The following PCDH15 variants were observed in gnomAD, a reference collection of about 807,000 sequenced individuals.
The protein encoded by PCDH15 is protocadherin related 15, also known as protocadherin-15.
PCDH15 carries 129 observed loss-of-function variants against 178.5 expected under a neutral mutation model. The ratio of observed to expected loss-of-function variants is 0.72; its 90% CI spans 0.63 to 0.84. The LOEUF (loss-of-function observed/expected upper bound fraction) is 0.84, where lower values mean the gene tolerates loss of function less well. Among genes scored for constraint, PCDH15 ranks in the 40% least tolerant of loss-of-function variants. The probability of loss-of-function intolerance (pLI) is 0.00; values close to 1 mark genes in which losing one functional copy is unlikely to be tolerated. For missense variants in PCDH15, 2,230 were observed against 2,099.9 expected (o/e 1.06, Z -1.21); for synonymous variants, 800 against 732.0 (o/e 1.09, Z -1.50).
chr10:55,149,683 G>A (rs3847445), intron 2 of PCDH15, among the ~76,000 whole-genome samples: 1 of 142,790 alleles, frequency 7.0e-6, no homozygotes, highest in Non-Finnish European at 1.6e-5. Flanking sequence ...TTTCACCAGG[G>A]AGAGATATCT....
chr10:54,222,549 AG>A (rs1010015324), intron 9 of PCDH15, among the ~76,000 whole-genome samples: 2 of 152,226 alleles, frequency 1.3e-5, no homozygotes, highest in African/African-American at 4.8e-5. Flanking sequence ...TAACTTTTAA[AG>A]AAATTGCCAA....
rs543913646 is a variant in PCDH15 at position 55,170,743 on chromosome 10, G to A, written c.-155-4092C>T. 8.5e-5 allele frequency among the ~76,000 whole-genome samples: 13 copies of A among 152,144 alleles called. No individual in the cohort carries two copies. The South Asian group carries it at 2.1e-3, about 24-fold the overall frequency. Reference sequence around the variant, plus strand: ...CTAAAAATACAAAAATTAGCTGGGCGTGGTGGCATGCGCCTGTAATCTCAG... The same window carrying A: ...CTAAAAATACAAAAATTAGCTGGGCATGGTGGCATGCGCCTGTAATCTCAG... On this transcript the variant is annotated intron_variant, in intron 1 of 5. Transcript: ENST00000458638.
At chr10:54,060,153 T>C (rs2093983706) in intron 18 of PCDH15, among the ~76,000 whole-genome samples, 1 of 152,238 alleles carries the variant, frequency 6.6e-6, no homozygotes, top group Non-Finnish European at 1.5e-5. Flanking sequence ...TGTTGATTTG[T>C]ACATTTGTTA....
At chr10:55,480,826 G>T (rs1172840529) in intron 2 of PCDH15, among the ~76,000 whole-genome samples, 3 of 151,734 alleles carry the variant, frequency 2.0e-5, no homozygotes, top group Non-Finnish European at 2.9e-5. Flanking sequence ...GTCAGGATTT[G>T]GTATAAGGAG....
At chr10:54,592,017 T>C (rs896187500) in intron 2 of PCDH15, among the ~76,000 whole-genome samples, 1 of 152,064 alleles carries the variant, frequency 6.6e-6, no homozygotes, top group Non-Finnish European at 1.5e-5. Flanking sequence ...CCAAAAAAGC[T>C]ATGACCTACA....
rs549703983 is a variant in PCDH15, at chr10:55,308,163, C to T, written c.-156+11436G>A. ...ATAGTTGGGGAGATTATAATGAGAC[C>T]TAATTAATCTGATTAAATGTGAAAA... On this transcript the variant is annotated intron_variant, in intron 1 of 5. Transcript: ENST00000458638. Among the ~76,000 whole-genome samples the T allele has an allele frequency of 2.0e-5, 3 of 152,130 alleles. No homozygotes were observed. In the South Asian group the frequency reaches 6.2e-4, roughly 32 times the overall value.
chr10:55,045,721 T>C (rs950905672), intron 2 of PCDH15, among the ~76,000 whole-genome samples: 2 of 152,068 alleles, frequency 1.3e-5, no homozygotes, highest in African/African-American at 2.4e-5. Flanking sequence ...ATAAAATTAA[T>C]GCATGTTCTT....
chr10:54,016,700 G>T (rs1040264750), intron 20 of PCDH15, among the ~76,000 whole-genome samples: 3 of 152,156 alleles, frequency 2.0e-5, no homozygotes, highest in Non-Finnish European at 4.4e-5. Context: ...GGGACACAAA[G>T]ATGGGAACAA....
intron 2 of PCDH15, among the ~76,000 whole-genome samples, chr10:55,351,702 A>T (rs928811806): frequency 8.5e-5 from 13 of 152,098 alleles, no homozygotes; most frequent in African/African-American, 2.2e-4. Flanking sequence ...TTCTTTTCAT[A>T]CTGACCATCC....
At chr10:54,468,740 G>A (rs115320094) in intron 3 of PCDH15, among the ~76,000 whole-genome samples, 1 of 152,190 alleles carries the variant, frequency 6.6e-6, no homozygotes, top group African/African-American at 2.4e-5. Flanking sequence ...TGCTGACAAT[G>A]GGGTACTGAA....
chr10:54,138,886 T>C (rs1160807171), intron 14 of PCDH15, among the ~76,000 whole-genome samples: 2 of 152,316 alleles, frequency 1.3e-5, no homozygotes, highest in African/African-American at 4.8e-5. Flanking sequence ...TAATGGTTTA[T>C]GTATGTTCAT....
At chr10:55,158,838 G>C (rs1838973033) in intron 2 of PCDH15, among the ~76,000 whole-genome samples, 1 of 151,168 alleles carries the variant, frequency 6.6e-6, no homozygotes. Flanking sequence ...ATGTGGAAAT[G>C]TGTGTGGGGT....
At chr10:54,151,548 A>C (rs753855027) in intron 14 of PCDH15, among the ~76,000 whole-genome samples, 8 of 152,114 alleles carry the variant, frequency 5.3e-5, no homozygotes, top group Admixed American at 6.6e-5. Context: ...TAGGGGGAAA[A>C]AATGTAAAAG....
chr10:55,077,438 TCTTCCTTCCTTCCCTTC>T (rs1564777164), intron 2 of PCDH15, among the ~76,000 whole-genome samples: 2 of 74,834 alleles, frequency 2.7e-5, no homozygotes, highest in Non-Finnish European at 5.1e-5. Flanking sequence ...TTCCTTCCTT[TCTTCCTTCCTTCCCTTC>T]CTTCCTTCCT....
At chr10:54,606,433 G>A (rs527458672) in intron 2 of PCDH15, 1 of 152,218 alleles carries the variant, frequency 6.6e-6, no homozygotes, top group South Asian at 2.1e-4. Flanking sequence ...ATTATCTTCA[G>A]TTTTGAGATA....
At chr10:54,691,859 A>G (rs531748326) in intron 1 of PCDH15, among the ~76,000 whole-genome samples, 17 of 152,226 alleles carry the variant, frequency 1.1e-4, no homozygotes, top group Middle Eastern at 3.4e-3. Flanking sequence ...TGACTTTACA[A>G]TCTTTTATAT....
chr10:54,593,270 T>C (rs1247200001), intron 2 of PCDH15, among the ~76,000 whole-genome samples: 1 of 152,110 alleles, frequency 6.6e-6, no homozygotes, highest in Non-Finnish European at 1.5e-5. Context: ...AGAATCTTTT[T>C]CCTGATGGCT....
intron 3 of PCDH15, among the ~76,000 whole-genome samples, chr10:54,826,442 T>C (rs1341778646): frequency 1.3e-5 from 2 of 151,772 alleles, no homozygotes; most frequent in Non-Finnish European, 2.9e-5. Flanking sequence ...AAAAAAAAAT[T>C]GAAATGAGAT....
At chr10:54,436,233 A>G (rs2075411416) in intron 3 of PCDH15, among the ~76,000 whole-genome samples, 1 of 151,988 alleles carries the variant, frequency 6.6e-6, no homozygotes, top group African/African-American at 2.4e-5. Context: ...TAGAATGCAA[A>G]GTCAAAGAAC....
Sources: gnomAD v4.1 joint callset for allele counts (sites outside exome capture counted in the v4.1 genomes callset) on GRCh38, gnomAD v4.1.1 for gene constraint, MANE v1.5 for transcripts, NCBI Gene and HGNC (gene_info 2026-07-23, HGNC 2026-07-21) for gene names.